Variants in PTBP3 observed in about 807,000 individuals in gnomAD.
PTBP3 encodes polypyrimidine tract-binding protein 3.
PTBP3 carries 20 observed loss-of-function variants against 58.7 expected under a neutral mutation model. The observed-to-expected ratio is 0.34, with a 90% CI of 0.24 to 0.50. The LOEUF is 0.50. Ranked by LOEUF, PTBP3 falls within the 20% of genes least tolerant of loss-of-function variation. PTBP3 has a pLI of 0.98. For missense variants in PTBP3, 509 were observed against 637.2 expected (o/e 0.80, Z 2.17); for synonymous variants, 185 against 219.8 (o/e 0.84, Z 1.40).
intron 2 of PTBP3, among the ~76,000 whole-genome samples, chr9:112,290,707 T>TATACACACACAA (rs377603008): frequency 2.3e-4 from 26 of 110,922 alleles, no homozygotes; most frequent in Admixed American, 6.1e-4. Context: ...TATATATATA[T>TATACACACACAA]ACACACACAC....
In PTBP3 at chr9:112,232,029, G is replaced by GA. The variant is rs1188441862; in HGVS notation, c.1020+69dup. On this transcript the variant is annotated intron_variant, in intron 9 of 13. Transcript: ENST00000374257. ...GAGAAGAGAAGAGAAGAAAAGAAAA[G>GA]AAAGAAAGAAAAAAGTGCTACTATA... The GA allele has an allele frequency of 1.4e-5, 17 of 1,186,194 alleles. No individual in the cohort carries two copies. The East Asian group carries it at 2.5e-4, about 17-fold the overall frequency. 73.5% of individuals were successfully genotyped at this position (1,186,194 alleles called of 1,614,324 possible).
At chr9:112,275,377 C>A (rs988229653) in intron 3 of PTBP3, among the ~76,000 whole-genome samples, 1 of 152,034 alleles carries the variant, frequency 6.6e-6, no homozygotes, top group Non-Finnish European at 1.5e-5. Flanking sequence ...TCAGGTGATC[C>A]GCCCACCTCG....
chr9:112,328,955 T>C (rs1830262789), intron 1 of PTBP3, among the ~76,000 whole-genome samples: 1 of 152,232 alleles, frequency 6.6e-6, no homozygotes, highest in Non-Finnish European at 1.5e-5. Context: ...TAAACAAAGA[T>C]GAATTATTTC....
intron 1 of PTBP3, among the ~76,000 whole-genome samples, chr9:112,303,861 CTCAA>C (rs35404908): frequency 6.8e-6 from 1 of 147,908 alleles, no homozygotes; most frequent in African/African-American, 2.5e-5. Context: ...GAGACTCCGT[CTCAA>C]TCAATCAATC....
chr9:112,279,418 C>T (rs1006414386), intron 2 of PTBP3, among the ~76,000 whole-genome samples: 3 of 152,144 alleles, frequency 2.0e-5, no homozygotes, highest in African/African-American at 7.2e-5. Context: ...AATATTCCCA[C>T]CTCAAAACTA....
intron 12 of PTBP3, 70 bp downstream of exon 12, chr9:112,227,341 T>C: frequency 6.6e-7 from 1 of 1,514,800 alleles, no homozygotes. Context: ...TCAGAAGTTT[T>C]AACCTCTCCT....
At position 112,221,887 on chromosome 9, in the gene PTBP3, A is replaced by G; in HGVS notation, c.*1964T>C. On this transcript the variant is annotated 3_prime_UTR_variant, in exon 14 of 14. Coordinates refer to ENST00000374257, the MANE Select transcript of PTBP3 (RefSeq NM_001163788.4). ...TTCAAATTAATCACTGGAATACAGCAAAGAGATTGAGATTTTCTTAATTTT... is the reference window on the plus strand; with the variant it reads ...TTCAAATTAATCACTGGAATACAGCGAAGAGATTGAGATTTTCTTAATTTT... 1 of 982,850 alleles carries G rather than the reference A, an allele frequency of 1.0e-6. No individual in the cohort carries two copies. The highest frequency in any genetic ancestry group is 1.2e-6 in the Non-Finnish European group (1 of 827,568). 60.9% of individuals were successfully genotyped at this position (982,850 alleles called of 1,614,324 possible).
At chr9:112,266,753 A>G (rs1311025579) in intron 4 of PTBP3, among the ~76,000 whole-genome samples, 2 of 152,254 alleles carry the variant, frequency 1.3e-5, no homozygotes, top group African/African-American at 2.4e-5. Context: ...ATATATAGAC[A>G]TCTGAATACA....
intron 7 of PTBP3, among the ~76,000 whole-genome samples, chr9:112,244,373 TGA>T (rs1835794342): frequency 6.6e-6 from 1 of 150,538 alleles, no homozygotes; most frequent in Admixed American, 6.6e-5. Context: ...CCAACTTTAC[TGA>T]GAGACATGAA....
chr9:112,257,383 C>T (rs1836413814), intron 5 of PTBP3, among the ~76,000 whole-genome samples: 1 of 152,018 alleles, frequency 6.6e-6, no homozygotes, highest in Admixed American at 6.6e-5. Context: ...AATTAAAATT[C>T]AGGAAGGTTT....
intron 2 of PTBP3, among the ~76,000 whole-genome samples, chr9:112,295,046 C>T (rs1828608576): frequency 6.6e-6 from 1 of 152,104 alleles, no homozygotes; most frequent in African/African-American, 2.4e-5. Context: ...TCGAGCCCAA[C>T]CTGGCCAACA....
rs558163827 is a variant in PTBP3 at position 112,225,531 on chromosome 9, T to C, written c.1365-1321A>G. 1.6e-4 allele frequency among the ~76,000 whole-genome samples: 24 copies of C among 152,328 alleles called. No homozygotes were observed. In the South Asian group the frequency reaches 4.8e-3, roughly 30 times the overall value. On this transcript the variant is annotated intron_variant, in intron 12 of 13. Coordinates refer to ENST00000374257, the MANE Select transcript of PTBP3 (RefSeq NM_001163788.4). ...GTGTAAAGCAATTAATGTGAATGTATACTGGACTGTACACTTAAAAATAGT... is the reference window on the plus strand; with the variant it reads ...GTGTAAAGCAATTAATGTGAATGTACACTGGACTGTACACTTAAAAATAGT...
At chr9:112,342,641 A>G in the PTBP3 span, among the ~76,000 whole-genome samples, 1 of 152,086 alleles carries the variant, frequency 6.6e-6, no homozygotes, top group South Asian at 2.1e-4. Flanking sequence ...ACTTGAACCC[A>G]GGAGGCAGAG....
At chr9:112,332,863 C>T in intron 1 of PTBP3, 2 of 1,609,496 alleles carry the variant, frequency 1.2e-6, no homozygotes, top group Non-Finnish European at 1.7e-6. Flanking sequence ...GTCCAGACCC[C>T]TGGTGTCGAG....
upstream of PTBP3, among the ~76,000 whole-genome samples, chr9:112,337,564 A>G (rs1307990666): frequency 6.6e-6 from 1 of 152,212 alleles, no homozygotes; most frequent in Non-Finnish European, 1.5e-5. Flanking sequence ...GATGGGTTCT[A>G]TATACTGGCT....
chr9:112,343,368 C>T, the PTBP3 span, among the ~76,000 whole-genome samples: 1 of 152,152 alleles, frequency 6.6e-6, no homozygotes, highest in East Asian at 1.9e-4. Context: ...GCCACCACAC[C>T]CGGCTAATTT....
intron 5 of PTBP3, among the ~76,000 whole-genome samples, chr9:112,256,365 T>C (rs1031273810): frequency 6.6e-5 from 10 of 150,558 alleles, no homozygotes; most frequent in African/African-American, 2.4e-4. Context: ...TATATAACTG[T>C]CTCCTTTCAT....
chr9:112,375,727 T>A, the PTBP3 span, among the ~76,000 whole-genome samples: 2 of 152,084 alleles, frequency 1.3e-5, no homozygotes, highest in African/African-American at 4.8e-5. Flanking sequence ...CACTTCCACT[T>A]GATGATGGAA....
chr9:112,284,055 G>A (rs1350828657), intron 2 of PTBP3, among the ~76,000 whole-genome samples: 1 of 152,236 alleles, frequency 6.6e-6, no homozygotes, highest in Non-Finnish European at 1.5e-5. Context: ...TCTGCTGCAG[G>A]GGTGGAGCCC....
Sources: gnomAD v4.1 joint callset for allele counts (sites outside exome capture counted in the v4.1 genomes callset) on GRCh38, gnomAD v4.1.1 for gene constraint, MANE v1.5 for transcripts, NCBI Gene and HGNC (gene_info 2026-07-23, HGNC 2026-07-21) for gene names.